Variants in PALLD observed in about 807,000 individuals in gnomAD.
The protein encoded by PALLD is palladin.
In PALLD, 61 loss-of-function variants were observed where a neutral mutation model predicts 123.5. That is an observed-to-expected ratio of 0.49 (90% CI 0.40 to 0.61). The LOEUF is 0.61. PALLD is among the 20% of genes least tolerant of loss of function. PALLD has a pLI of 0.00. For synonymous variants in PALLD, 465 were observed against 496.4 expected, an observed-to-expected ratio of 0.94 and a Z score of 0.84; for missense variants, 1,273 against 1,377.0, an observed-to-expected ratio of 0.92 and a Z score of 1.20.
At chr4:168,638,586 C>T (rs780909874) in intron 2 of PALLD, among the ~76,000 whole-genome samples, 10 of 152,302 alleles carry the variant, frequency 6.6e-5, no homozygotes, top group Admixed American at 3.9e-4. Context: ...GTTTATTGCT[C>T]ACAGTTCTGA....
intron 10 of PALLD, among the ~76,000 whole-genome samples, chr4:168,764,809 CT>C (rs1340677287): frequency 6.6e-6 from 1 of 152,112 alleles, no homozygotes; most frequent in Admixed American, 6.5e-5. Context: ...TAACCTGCTC[CT>C]TTGGTTCCCG....
intron 2 of PALLD, among the ~76,000 whole-genome samples, chr4:168,642,646 C>T (rs911350900): frequency 2.0e-5 from 3 of 152,240 alleles, no homozygotes; most frequent in African/African-American, 7.2e-5. Context: ...AGGCGATCCA[C>T]CCGCCTTGGT....
At chr4:168,804,495 T>C (rs1302472754) in intron 10 of PALLD, among the ~76,000 whole-genome samples, 1 of 152,250 alleles carries the variant, frequency 6.6e-6, no homozygotes, top group Non-Finnish European at 1.5e-5. Flanking sequence ...TATGAGTCTC[T>C]GCCTCTGCCA....
In PALLD at chr4:168,857,314, ATTT is replaced by A. The variant is rs200850066; in HGVS notation, c.1965-33607_1965-33605del. Among the ~76,000 whole-genome samples the A allele has an allele frequency of 1.3e-3, 200 of 152,322 alleles. No homozygotes were observed. In the Middle Eastern group the frequency reaches 0.017, roughly 13 times the overall value. On this transcript the variant is annotated intron_variant, in intron 10 of 21. Coordinates refer to ENST00000505667, the MANE Select transcript of PALLD (RefSeq NM_001166108.2). The stretch of plus-strand genomic sequence containing the variant: ...AATGCTCCATTACATCTCAGGATTT[ATTT>A]ATAAATTATTTGTTTTAGGATATGG...
intron 2 of PALLD, among the ~76,000 whole-genome samples, chr4:168,639,063 G>A (rs1776634257): frequency 6.6e-6 from 1 of 152,110 alleles, no homozygotes; most frequent in Non-Finnish European, 1.5e-5. Flanking sequence ...CCCAGCCCAT[G>A]ACATTAGCCC....
At chr4:168,648,799 T>A (rs1188154180) in intron 2 of PALLD, 2 of 152,272 alleles carry the variant, frequency 1.3e-5, no homozygotes, top group Non-Finnish European at 2.9e-5. Context: ...TCATAACATT[T>A]CCCTGTCTGA....
intron 10 of PALLD, among the ~76,000 whole-genome samples, chr4:168,855,173 C>T (rs1748419499): frequency 6.9e-6 from 1 of 144,988 alleles, no homozygotes; most frequent in Non-Finnish European, 1.5e-5. Flanking sequence ...TCACTGCAAG[C>T]TCCGCCTCCC....
chr4:168,912,205 C>T (rs1759111752), intron 15 of PALLD, among the ~76,000 whole-genome samples: 1 of 152,156 alleles, frequency 6.6e-6, no homozygotes, highest in South Asian at 2.1e-4. Flanking sequence ...TGTTACCTGT[C>T]TCTATAGGCA....
intron 2 of PALLD, among the ~76,000 whole-genome samples, chr4:168,638,204 A>G (rs1386028863): frequency 1.3e-5 from 2 of 152,208 alleles, no homozygotes. Flanking sequence ...TGAAGTAGAT[A>G]TATTACCCCT....
At chr4:168,804,065 C>T (rs78956484) in intron 10 of PALLD, among the ~76,000 whole-genome samples, 2,159 of 152,294 alleles carry the variant, frequency 0.014, 55 homozygotes, top group African/African-American at 0.049. Flanking sequence ...CATTGTTACT[C>T]ACTGGTGTGG....
chr4:168,901,825 T>C (rs1002956155), intron 14 of PALLD, among the ~76,000 whole-genome samples: 14 of 152,078 alleles, frequency 9.2e-5, no homozygotes, highest in Non-Finnish European at 5.9e-5. Context: ...ACCACTGCAC[T>C]CTCTAGCCTG....
At position 168,541,449 on chromosome 4, in the gene PALLD, T is replaced by A. The variant is rs1253996619; in HGVS notation, c.908+29037T>A. 1.1e-4 allele frequency among the ~76,000 whole-genome samples: 3 copies of A among 27,124 alleles called. No homozygotes were observed. In the East Asian group the frequency reaches 0.023, roughly 212 times the overall value. The allele number at this position is 27,124 out of a possible 152,430, so 17.8% of individuals were successfully genotyped here. ...TATTTTACACTCTCACTCATTTTAT[T>A]TATTTATTTATTTATTTATTTATTT... On this transcript the variant is annotated intron_variant, in intron 2 of 21. Transcript: ENST00000505667.
rs546176515 is a variant in PALLD at position 168,650,079 on chromosome 4, C to T, written c.909-18111C>T. On this transcript the variant is annotated intron_variant, in intron 2 of 21. Coordinates refer to ENST00000505667, the MANE Select transcript of PALLD (RefSeq NM_001166108.2). ...ATCCCAGCTACTCAGGAGGCTGAGG[C>T]GGGAGAATTGCTTGAACCCAGGAGG... Among the ~76,000 whole-genome samples the T allele has an allele frequency of 4.6e-5, 7 of 152,088 alleles. 1 individual carries two copies. The highest frequency in any genetic ancestry group is 1.2e-4 in the African/African-American group (5 of 41,488).
intron 10 of PALLD, among the ~76,000 whole-genome samples, chr4:168,753,250 AGGC>A (rs1731310681): frequency 6.6e-6 from 1 of 152,128 alleles, no homozygotes; most frequent in Non-Finnish European, 1.5e-5. Context: ...GGAGGTATAT[AGGC>A]TTTTAGTTCT....
At chr4:168,828,260 G>T (rs189475521) in intron 10 of PALLD, among the ~76,000 whole-genome samples, 2 of 152,254 alleles carry the variant, frequency 1.3e-5, no homozygotes, top group Admixed American at 6.5e-5. Context: ...CAAAATGCCG[G>T]AAGATATATT....
rs1338578715 is a variant in PALLD, at chr4:168,693,964, A to C, written c.1501+2672A>C. The stretch of plus-strand genomic sequence containing the variant: ...GTGAGTAAGAACTTCAGAACAAGCA[A>C]ATGTTACAGTGTATTTGTGCTTAAA... On this transcript the variant is annotated intron_variant, in intron 8 of 21. Transcript: ENST00000505667. 2.0e-5 allele frequency among the ~76,000 whole-genome samples: 3 copies of C among 152,242 alleles called. No individual in the cohort carries two copies. The East Asian group carries it at 5.8e-4, about 29-fold the overall frequency.
At chr4:168,737,890 C>T (rs1199394082) in intron 10 of PALLD, among the ~76,000 whole-genome samples, 3 of 152,190 alleles carry the variant, frequency 2.0e-5, no homozygotes, top group South Asian at 2.1e-4. Context: ...GCAGTGGTTT[C>T]GGGCTGAGCA....
intron 8 of PALLD, among the ~76,000 whole-genome samples, chr4:168,694,406 A>C (rs1308935965): frequency 6.6e-6 from 1 of 152,034 alleles, no homozygotes; most frequent in Non-Finnish European, 1.5e-5. Context: ...CTTTCCTCTG[A>C]GAGAGTCACT....
At chr4:168,539,575 AT>A (rs1765412801) in intron 2 of PALLD, among the ~76,000 whole-genome samples, 3 of 12,244 alleles carry the variant, frequency 2.5e-4, no homozygotes, top group Non-Finnish European at 6.1e-4. Flanking sequence ...ATAAAAATAA[AT>A]AAATAAATAA....
Sources: allele counts gnomAD v4.1 joint callset (sites outside exome capture counted in the v4.1 genomes callset), GRCh38; gene constraint gnomAD v4.1.1; transcripts MANE v1.5; gene names NCBI Gene and HGNC (gene_info 2026-07-23, HGNC 2026-07-21).